ARID1B: variants seen among roughly 807,000 people sequenced by gnomAD.
ARID1B encodes the protein AT-rich interaction domain 1B, also known as AT-rich interactive domain-containing protein 1B.
In ARID1B, 30 loss-of-function variants were observed where a neutral mutation model predicts 212.3. The observed-to-expected ratio is 0.14, with a 90% CI of 0.11 to 0.19. The LOEUF is 0.19. Among genes scored for constraint, ARID1B ranks in the 10% least tolerant of loss-of-function variants. The pLI is 1.00. For missense variants in ARID1B, 2,891 were observed against 3,204.0 expected, an observed-to-expected ratio of 0.90 and a Z score of 2.36; for synonymous variants, 1,402 against 1,301.7, an observed-to-expected ratio of 1.08 and a Z score of -1.66.
intron 7 of ARID1B, among the ~76,000 whole-genome samples, chr6:157,140,333 G>A (rs1022993678): frequency 1.3e-5 from 2 of 152,000 alleles, no homozygotes; most frequent in African/African-American, 4.8e-5. Context: ...AGCCTAATGT[G>A]GTGGCACGCG....
intron 3 of ARID1B, chr6:156,901,846 G>C: frequency 5.9e-6 from 2 of 337,854 alleles, no homozygotes; most frequent in Non-Finnish European, 1.1e-5. Flanking sequence ...CTTTGTTAAG[G>C]CTTATTCAGG....
intron 3 of ARID1B, among the ~76,000 whole-genome samples, chr6:156,904,412 T>C (rs1321503011): frequency 2.6e-5 from 4 of 152,248 alleles, no homozygotes; most frequent in Admixed American, 6.5e-5. Flanking sequence ...AGATTAGTTC[T>C]GGTTATTTGA....
chr6:157,054,372 C>G (rs1782800994), intron 4 of ARID1B, among the ~76,000 whole-genome samples: 1 of 152,192 alleles, frequency 6.6e-6, no homozygotes, highest in Non-Finnish European at 1.5e-5. Flanking sequence ...TTTTAATGTT[C>G]TTACTGCCCA....
At chr6:156,899,073 A>G (rs928063017) in intron 2 of ARID1B, among the ~76,000 whole-genome samples, 1 of 152,218 alleles carries the variant, frequency 6.6e-6, no homozygotes, top group Non-Finnish European at 1.5e-5. Flanking sequence ...TTAATATTTT[A>G]CAGAGAGCAC....
intron 4 of ARID1B, among the ~76,000 whole-genome samples, chr6:157,008,922 G>A (rs1366390865): frequency 6.6e-6 from 1 of 152,148 alleles, no homozygotes; most frequent in African/African-American, 2.4e-5. Context: ...TGCCTCCAGT[G>A]TTAAGATGTT....
At chr6:156,784,909 G>A (rs1779531296) in intron 1 of ARID1B, among the ~76,000 whole-genome samples, 2 of 152,088 alleles carry the variant, frequency 1.3e-5, no homozygotes, top group Non-Finnish European at 2.9e-5. Context: ...ACAGGTGCAC[G>A]CCATCACACC....
chr6:156,990,924 TTATAAC>T (rs1778240798), intron 4 of ARID1B, among the ~76,000 whole-genome samples: 3 of 152,384 alleles, frequency 2.0e-5, no homozygotes, highest in Non-Finnish European at 4.4e-5. Flanking sequence ...TGATTAATAA[TTATAAC>T]TATAATAGTA....
chr6:157,004,897 C>CTTTTTTTTTTTTTTTTTTTT lies in ARID1B; in HGVS notation c.2247+69336_2247+69355dup, dbSNP rs1177807875. Among the ~76,000 whole-genome samples, 22 of 54,704 alleles carry CTTTTTTTTTTTTTTTTTTTT rather than the reference C, an allele frequency of 4.0e-4. 1 individual carries two copies. Among genetic ancestry groups the CTTTTTTTTTTTTTTTTTTTT allele is most frequent in the Non-Finnish European group, 5.9e-4 (16 of 27,302 alleles). The allele number at this position is 54,704 out of a possible 152,430, so 35.9% of individuals were successfully genotyped here. A position where few individuals can be genotyped will look rare whatever the true frequency, so the allele number is the denominator to read the frequency against. On this transcript the variant is annotated intron_variant, in intron 4 of 19. Transcript: ENST00000636930. ...TTTTTTCTTTTTCTTCTTCTTTTTT[C>CTTTTTTTTTTTTTTTTTTTT]TTTTTTTTTTTTTTTTTTTTTTTTT...
intron 4 of ARID1B, among the ~76,000 whole-genome samples, chr6:157,052,285 A>G (rs1782660810): frequency 6.6e-6 from 1 of 152,246 alleles, no homozygotes; most frequent in Non-Finnish European, 1.5e-5. Context: ...CTTATCTCAT[A>G]TAGAAGAATT....
At chr6:157,192,347 G>A (rs1793439454) in intron 15 of ARID1B, among the ~76,000 whole-genome samples, 2 of 152,178 alleles carry the variant, frequency 1.3e-5, no homozygotes, top group Middle Eastern at 6.8e-3. Flanking sequence ...AACTATAGGT[G>A]TATTTCCCTC....
intron 4 of ARID1B, chr6:157,022,193 A>T (rs1020119547): frequency 2.5e-5 from 1 of 40,538 alleles, no homozygotes; most frequent in Non-Finnish European, 5.6e-5. Context: ...GGCCGGCGGG[A>T]GGTGGGCGGG....
chr6:157,182,222 C>G (rs1337490851), intron 12 of ARID1B, among the ~76,000 whole-genome samples: 1 of 152,138 alleles, frequency 6.6e-6, no homozygotes, highest in East Asian at 1.9e-4. Flanking sequence ...ATACTCCAGC[C>G]TGGTTGACAG....
At chr6:156,947,939 G>A (rs934584434) in intron 4 of ARID1B, among the ~76,000 whole-genome samples, 7 of 151,950 alleles carry the variant, frequency 4.6e-5, no homozygotes, top group Non-Finnish European at 8.8e-5. Context: ...TTCCAGCTAC[G>A]AAAACAGAGA....
At chr6:156,871,022 C>A (rs1261216870) in intron 2 of ARID1B, among the ~76,000 whole-genome samples, 1 of 152,128 alleles carries the variant, frequency 6.6e-6, no homozygotes, top group Non-Finnish European at 1.5e-5. Context: ...TAGCATTATG[C>A]CTAAAAGAGA....
intron 1 of ARID1B, among the ~76,000 whole-genome samples, chr6:156,780,127 A>G (rs938479711): frequency 3.3e-5 from 5 of 152,164 alleles, no homozygotes; most frequent in East Asian, 1.9e-4. Context: ...TGGAGGTGCA[A>G]TATTGTAAAA....
At chr6:156,784,028 AT>A (rs201785586) in intron 1 of ARID1B, among the ~76,000 whole-genome samples, 152 of 146,770 alleles carry the variant, frequency 1.0e-3, no homozygotes, top group Admixed American at 1.7e-3. Flanking sequence ...ACTTAATTCC[AT>A]TTTTTTTTTG....
At position 156,778,304 on chromosome 6, in the gene ARID1B, G is replaced by A. The variant is rs1022773336; in HGVS notation, c.624G>A (p.Gln208=). Residue 208 remains glutamine, a synonymous_variant, in exon 1 of 20, where the codon CAG becomes CAA. Coordinates refer to ENST00000636930, the MANE Select transcript of ARID1B (RefSeq NM_001374828.1). The part of the protein sequence containing the change: ...QQQQQQQQQQ[Q]QQQQQQHPIS... ...AGCAGCAGCAGCAACAGCAGCAGCA[G>A]CAGCAGCAGCAACAGCAACATCCCA... 31 of 1,544,920 alleles carry A rather than the reference G, an allele frequency of 2.0e-5. No homozygotes were observed. The highest frequency in any genetic ancestry group is 2.4e-5 in the Non-Finnish European group (28 of 1,146,566).
At chr6:156,786,439 A>G (rs1052901205) in intron 1 of ARID1B, among the ~76,000 whole-genome samples, 2 of 152,192 alleles carry the variant, frequency 1.3e-5, no homozygotes, top group Non-Finnish European at 2.9e-5. Flanking sequence ...GCAGCTGTGA[A>G]GGGAGACTTC....
At chr6:157,178,601 C>T (rs916999034) in intron 11 of ARID1B, among the ~76,000 whole-genome samples, 3 of 152,100 alleles carry the variant, frequency 2.0e-5, no homozygotes, top group Non-Finnish European at 2.9e-5. Context: ...ATTATGGTGC[C>T]ATAAAAATGC....
Sources: allele counts gnomAD v4.1 joint callset (sites outside exome capture counted in the v4.1 genomes callset), GRCh38; gene constraint gnomAD v4.1.1; transcripts MANE v1.5; gene names NCBI Gene and HGNC (gene_info 2026-07-23, HGNC 2026-07-21).